Variants in COL28A1 observed in about 807,000 individuals in gnomAD.
The protein encoded by COL28A1 is collagen type XXVIII alpha 1 chain.
Under a neutral mutation model 150.2 loss-of-function variants are expected in COL28A1, and 161 were observed. That is an observed-to-expected ratio of 1.07 (90% CI 0.94 to 1.22). COL28A1 has a LOEUF of 1.22. Ranked by LOEUF, COL28A1 falls within the 50% of genes most tolerant of loss-of-function variation. The pLI is 0.00. For synonymous variants in COL28A1, 552 were observed against 469.7 expected, an observed-to-expected ratio of 1.18 and a Z score of -2.26; for missense variants, 1,617 against 1,388.3, an observed-to-expected ratio of 1.16 and a Z score of -2.62.
At chr7:7,493,378 G>C (rs1232779077) in intron 11 of COL28A1, among the ~76,000 whole-genome samples, 1 of 152,080 alleles carries the variant, frequency 6.6e-6, no homozygotes, top group African/African-American at 2.4e-5. Context: ...GAAATGTATG[G>C]ATCAGGAGAA....
chr7:7,407,499 G>T (rs569845551), intron 27 of COL28A1, among the ~76,000 whole-genome samples: 1 of 151,982 alleles, frequency 6.6e-6, no homozygotes, highest in Non-Finnish European at 1.5e-5. Flanking sequence ...ATAACTTCTC[G>T]AGAGCGATAA....
chr7:7,415,404 C>T lies in COL28A1; in HGVS notation c.2136+2455G>A, dbSNP rs369246897. Among the ~76,000 whole-genome samples the T allele has an allele frequency of 1.6e-4, 25 of 152,328 alleles. 2 individuals carry two copies. Among genetic ancestry groups the T allele is most frequent in the African/African-American group, 6.0e-4 (25 of 41,566 alleles). ...CCTCCCTTTTGCAGTGATGGTATTT[C>T]GTCGGTGCAAAAGTAATTGCGGTTT... is the stretch of plus-strand genomic sequence containing the variant. On this transcript the variant is annotated intron_variant, in intron 27 of 34. Coordinates refer to ENST00000399429, the MANE Select transcript of COL28A1 (RefSeq NM_001037763.3).
intron 34 of COL28A1, among the ~76,000 whole-genome samples, chr7:7,359,062 T>C (rs955227920): frequency 5.3e-5 from 8 of 152,150 alleles, no homozygotes; most frequent in African/African-American, 1.7e-4. Flanking sequence ...ACATTAAAAA[T>C]GTTTATTTCC....
intron 27 of COL28A1, among the ~76,000 whole-genome samples, chr7:7,383,113 C>A (rs771488223): frequency 1.3e-4 from 20 of 152,034 alleles, no homozygotes; most frequent in Non-Finnish European, 2.8e-4. Context: ...AAAACAGATA[C>A]AATTCAAACC....
the COL28A1 span, among the ~76,000 whole-genome samples, chr7:7,339,293 C>T: frequency 6.6e-6 from 1 of 152,128 alleles, no homozygotes; most frequent in Non-Finnish European, 1.5e-5. Context: ...TTCTTTACTT[C>T]CTATTCACTC....
intron 18 of COL28A1, among the ~76,000 whole-genome samples, 183 bp downstream of exon 18, chr7:7,452,136 A>C (rs1359007143): frequency 1.3e-5 from 2 of 152,270 alleles, no homozygotes; most frequent in African/African-American, 4.8e-5. Context: ...AGAGGAAAAT[A>C]AAGCAAGCCA....
At chr7:7,354,400 A>T (rs1780301755), downstream of COL28A1, among the ~76,000 whole-genome samples, 1 of 152,190 alleles carries the variant, frequency 6.6e-6, no homozygotes, top group African/African-American at 2.4e-5. Flanking sequence ...TAAAGAATTC[A>T]GGGCAAGTAT....
chr7:7,456,359 T>C (rs570078517), intron 15 of COL28A1, among the ~76,000 whole-genome samples: 1 of 152,176 alleles, frequency 6.6e-6, no homozygotes, highest in Admixed American at 6.5e-5. Flanking sequence ...TATTTATCAA[T>C]CATTTTCTCA....
Position 7,430,208 on chromosome 7 carries a change from C to T in COL28A1, c.1998+2265G>A, listed in dbSNP as rs180871828. ...GTGGTGCGATCTCAGCTCACTGCAACCTCCGCCTCCCGGGTTCAAGCAATT... is the reference window on the plus strand; with the variant it reads ...GTGGTGCGATCTCAGCTCACTGCAATCTCCGCCTCCCGGGTTCAAGCAATT... On this transcript the variant is annotated intron_variant, in intron 25 of 34. Coordinates refer to ENST00000399429, the MANE Select transcript of COL28A1 (RefSeq NM_001037763.3). Among the ~76,000 whole-genome samples, 710 of 152,150 alleles carry T rather than the reference C, an allele frequency of 4.7e-3. 5 individuals carry two copies. The highest frequency in any genetic ancestry group is 0.022 in the East Asian group (114 of 5,180).
Position 7,409,878 on chromosome 7 carries a change from G to A in COL28A1, c.2136+7981C>T, listed in dbSNP as rs149934074. On this transcript the variant is annotated intron_variant, in intron 27 of 34. Transcript: ENST00000399429. ...AGCAAATAGGCAAGAAATATAAGCC[G>A]GTAATAATGATGATTCAAGCCCCAC... Among the ~76,000 whole-genome samples the A allele has an allele frequency of 6.9e-3, 1,053 of 152,158 alleles. 8 individuals are homozygous for A. The highest frequency in any genetic ancestry group is 8.1e-3 in the South Asian group (39 of 4,824).
chr7:7,526,334 G>A (rs1782023013), intron 3 of COL28A1, among the ~76,000 whole-genome samples: 1 of 138,674 alleles, frequency 7.2e-6, no homozygotes, highest in African/African-American at 2.7e-5. Context: ...CAGTTAAAGT[G>A]AATGCATTGG....
intron 23 of COL28A1, among the ~76,000 whole-genome samples, chr7:7,433,407 G>T (rs1168729873): frequency 1.3e-5 from 2 of 152,090 alleles, no homozygotes; most frequent in African/African-American, 4.8e-5. Flanking sequence ...AAGCTGAGGT[G>T]GGTGGATCAC....
At position 7,443,617 on chromosome 7, in the gene COL28A1, C is replaced by G. The variant is rs1036331767; in HGVS notation, c.1618G>C (p.Gly540Arg). The part of the protein sequence containing the change: ...AGLPGARGPE[G>R]PPGKGQPGPK... ...CCAGGCTGTCCTTTTCCAGGTGGTC[C>G]TTCTGGGCCTCTTGCTCCCGGAAGC... Residue 540 changes from glycine to arginine, a missense_variant, in exon 20 of 35, where the codon GGA becomes CGA. By Grantham distance (125) the Gly-to-Arg change is moderately radical (BLOSUM62 -2). Transcript: ENST00000399429. The G allele has an allele frequency of 2.5e-6, 4 of 1,614,046 alleles. No homozygotes were observed. In the East Asian group the frequency reaches 6.7e-5, roughly 27 times the overall value.
At position 7,489,455 on chromosome 7, in the gene COL28A1, T is replaced by G. The variant is rs749761236; in HGVS notation, c.1098A>C (p.Gly366=). 25 of 1,315,252 alleles carry G rather than the reference T, an allele frequency of 1.9e-5. No homozygotes were observed. Among genetic ancestry groups the G allele is most frequent in the Non-Finnish European group, 2.5e-5 (23 of 906,872 alleles). The allele number at this position is 1,315,252 out of a possible 1,614,324, so 81.5% of individuals were successfully genotyped here. ...APGIGQQGIK[G]ERGQEGRPGA... ...CCGGTCTTCCTTCTTGGCCTCTTTC[T>G]CCCTAAGAGAAAGAAATAATAGAAT... is the stretch of plus-strand genomic sequence containing the variant. The change falls in exon 13 of 35, where the codon GGA becomes GGC. Residue 366 remains glycine (G), a splice_region_variant and synonymous_variant. Transcript: ENST00000399429.
chr7:7,477,326 A>G (rs1004018315), intron 13 of COL28A1, 146 bp from the exon 14 acceptor site: 17 of 618,628 alleles, frequency 2.7e-5, no homozygotes, highest in African/African-American at 2.6e-4. Context: ...TGTACTAAAC[A>G]TGTACAGGCT....
intron 27 of COL28A1, among the ~76,000 whole-genome samples, chr7:7,385,572 T>G: frequency 6.6e-6 from 1 of 150,692 alleles, no homozygotes; most frequent in South Asian, 2.1e-4. Context: ...CCAGAAGATG[T>G]CCAATACATG....
intron 33 of COL28A1, among the ~76,000 whole-genome samples, chr7:7,366,504 T>C (rs753170111): frequency 2.0e-5 from 3 of 152,218 alleles, no homozygotes; most frequent in Non-Finnish European, 2.9e-5. Context: ...GTGCATGTTA[T>C]ATTCTGAGGG....
intron 11 of COL28A1, among the ~76,000 whole-genome samples, chr7:7,504,437 T>C (rs1260412338): frequency 6.6e-6 from 1 of 152,140 alleles, no homozygotes; most frequent in African/African-American, 2.4e-5. Flanking sequence ...GGAATTCAAG[T>C]TGCAGTTGGT....
intron 4 of COL28A1, among the ~76,000 whole-genome samples, chr7:7,522,991 T>C: frequency 6.6e-6 from 1 of 152,032 alleles, no homozygotes. Context: ...AATAACCAAG[T>C]TATTTTGCTT....
Sources: allele counts gnomAD v4.1 joint callset (sites outside exome capture counted in the v4.1 genomes callset), GRCh38; gene constraint gnomAD v4.1.1; transcripts MANE v1.5; gene names NCBI Gene and HGNC (gene_info 2026-07-23, HGNC 2026-07-21).